KNDC1: variants seen among roughly 807,000 people sequenced by gnomAD.
KNDC1 encodes the protein kinase non-catalytic C-lobe domain-containing protein 1.
Under a neutral mutation model 172.8 loss-of-function variants are expected in KNDC1, and 106 were observed. The ratio of observed to expected loss-of-function variants is 0.61; its 90% CI spans 0.52 to 0.72. KNDC1 has a LOEUF of 0.72. KNDC1 is among the 30% of genes least tolerant of loss of function. KNDC1 has a pLI of 0.00. For synonymous variants in KNDC1, 1,083 were observed against 1,062.2 expected (o/e 1.02, Z -0.38); for missense variants, 2,325 against 2,394.5 (o/e 0.97, Z 0.61).
At chr10:133,175,156 G>A (rs1853494225) in intron 3 of KNDC1, among the ~76,000 whole-genome samples, 1 of 149,528 alleles carries the variant, frequency 6.7e-6, no homozygotes, top group Non-Finnish European at 1.5e-5. Flanking sequence ...TGGATGAAAA[G>A]GTAGATGGTG....
At position 133,168,031 on chromosome 10, in the gene KNDC1, G is replaced by C. The variant is rs1053792384; in HGVS notation, c.302-223G>C. Among the ~76,000 whole-genome samples, 4 of 152,330 alleles carry C rather than the reference G, an allele frequency of 2.6e-5. No individual in the cohort carries two copies. In the South Asian group the frequency reaches 6.2e-4, roughly 24 times the overall value. On this transcript the variant is annotated intron_variant, in intron 2 of 29. Transcript: ENST00000304613. ...GGTGAATGTCTTCAGCTTCCTTCTTGGGAAAGTGGTAGAACCCTTCCCTCT... is the reference window on the plus strand; with the variant it reads ...GGTGAATGTCTTCAGCTTCCTTCTTCGGAAAGTGGTAGAACCCTTCCCTCT...
chr10:133,208,661 C>A (rs1482690342), intron 20 of KNDC1, among the ~76,000 whole-genome samples: 1 of 152,236 alleles, frequency 6.6e-6, no homozygotes, highest in Non-Finnish European at 1.5e-5. Context: ...TCCAGGCTGA[C>A]CCTCGGACCT....
At chr10:133,183,001 C>T (rs928041393) in intron 3 of KNDC1, among the ~76,000 whole-genome samples, 8 of 143,220 alleles carry the variant, frequency 5.6e-5, no homozygotes, top group East Asian at 2.1e-4. Flanking sequence ...TGGGCACAGG[C>T]GGCAAGGGCA....
chr10:133,210,275 G>A (rs1388114439), intron 20 of KNDC1, among the ~76,000 whole-genome samples: 5 of 149,974 alleles, frequency 3.3e-5, no homozygotes, highest in Admixed American at 6.7e-5. Context: ...CCAGCTATTC[G>A]GGAGGCTGAG....
intron 1 of KNDC1, among the ~76,000 whole-genome samples, chr10:133,165,336 G>A (rs1853114866): frequency 6.6e-6 from 1 of 152,230 alleles, no homozygotes; most frequent in Non-Finnish European, 1.5e-5. Context: ...TGAGCAGGAG[G>A]GCGTGCTGTG....
At chr10:133,175,585 A>ATGGATG (rs1564877318) in intron 3 of KNDC1, among the ~76,000 whole-genome samples, 25 of 146,414 alleles carry the variant, frequency 1.7e-4, no homozygotes, top group East Asian at 6.5e-4. Context: ...ATGGATGGGT[A>ATGGATG]GATGGATGGA....
Position 133,199,071 on chromosome 10 carries a change from C to T in KNDC1, c.2563C>T (p.Arg855Cys), listed in dbSNP as rs770290971. Residue 855 changes from arginine (R) to cysteine (C), a missense_variant, in exon 14 of 30, where the codon CGT becomes TGT. Arg to Cys is a radical substitution (Grantham distance 180). Transcript: ENST00000304613. ...CCCCGGGGCCACCCCTGCCGGGGAACGTGATGACCAGAGTCCAGACAGTGT... is the reference window on the plus strand; with the variant it reads ...CCCCGGGGCCACCCCTGCCGGGGAATGTGATGACCAGAGTCCAGACAGTGT... ...EGPGATPAGE[R>C]DDQSPDSVPE... is the part of the protein sequence containing the mutation. The T allele has an allele frequency of 8.7e-6, 14 of 1,605,840 alleles. No homozygotes were observed. Among genetic ancestry groups the T allele is most frequent in the African/African-American group, 8.0e-5 (6 of 74,928 alleles).
At chr10:133,196,832 G>A (rs1201040295) in intron 10 of KNDC1, among the ~76,000 whole-genome samples, 1 of 152,314 alleles carries the variant, frequency 6.6e-6, no homozygotes, top group East Asian at 1.9e-4. Flanking sequence ...CTGGGTTTGG[G>A]ATTCTGCCCT....
intron 3 of KNDC1, among the ~76,000 whole-genome samples, chr10:133,180,003 C>T (rs1327487121): frequency 6.6e-6 from 1 of 152,224 alleles, no homozygotes; most frequent in Non-Finnish European, 1.5e-5. Context: ...AGACGCCTGC[C>T]CGTGGTCCAG....
intron 29 of KNDC1, 81 bp downstream of exon 29, chr10:133,220,193 GCGGCCGCGCGCCCAGGAGAGGAGGGGCT>G: frequency 9.4e-7 from 1 of 1,065,562 alleles, no homozygotes; most frequent in African/African-American, 1.8e-5. Context: ...AGGGGCTCAG[GCGGCCGCGCGCCCAGGAGAGGAGGGGCT>G]CAGGCGGCCG....
At chr10:133,212,533 C>T (rs1845390197) in intron 23 of KNDC1, among the ~76,000 whole-genome samples, 183 bp from the exon 24 acceptor site, 1 of 152,252 alleles carries the variant, frequency 6.6e-6, no homozygotes, top group Non-Finnish European at 1.5e-5. Flanking sequence ...ACGACCAGGA[C>T]AGGCATCCTT....
intron 2 of KNDC1, 108 bp from the exon 3 acceptor site, chr10:133,168,146 C>T (rs567719625): frequency 3.0e-5 from 28 of 936,936 alleles, no homozygotes; most frequent in African/African-American, 4.8e-5. Context: ...ACCAGGTCTG[C>T]GGGGAGGGAA....
intron 3 of KNDC1, among the ~76,000 whole-genome samples, chr10:133,169,930 AT>A (rs1415099893): frequency 6.6e-6 from 1 of 152,078 alleles, no homozygotes; most frequent in Non-Finnish European, 1.5e-5. Flanking sequence ...GCATTCCTTC[AT>A]TTTTATCCCG....
At chr10:133,170,954 A>C (rs1372441640) in intron 3 of KNDC1, among the ~76,000 whole-genome samples, 1 of 152,234 alleles carries the variant, frequency 6.6e-6, no homozygotes, top group Non-Finnish European at 1.5e-5. Flanking sequence ...TAACCTCTTG[A>C]GCCACACTCA....
intron 11 of KNDC1, 129 bp downstream of exon 11, chr10:133,197,264 G>C (rs1854219838): frequency 1.4e-6 from 1 of 725,380 alleles, no homozygotes; most frequent in Non-Finnish European, 2.4e-6. Flanking sequence ...CCGAGCTGTG[G>C]GTGGGTGCAT....
rs1564882791 is a variant in KNDC1, at chr10:133,184,220, CAT to C, written c.625+232_625+233del. 8.0e-3 allele frequency among the ~76,000 whole-genome samples: 501 copies of C among 62,772 alleles called. 4 individuals are homozygous for C. In the Middle Eastern group the frequency reaches 0.11, roughly 13 times the overall value. The allele number at this position is 62,772 out of a possible 152,430, so 41.2% of individuals were successfully genotyped here. ...CATGCACACCCATGCTGCACACACCCATGCACACACACCCATGCGCACACACT... is the reference window on the plus strand; with the variant it reads ...CATGCACACCCATGCTGCACACACCCGCACACACACCCATGCGCACACACT... On this transcript the variant is annotated intron_variant, in intron 5 of 29. Coordinates refer to ENST00000304613, the MANE Select transcript of KNDC1 (RefSeq NM_152643.8).
In KNDC1 at chr10:133,212,829, C is replaced by T. The variant is rs766812979; in HGVS notation, c.4350C>T (p.Tyr1450=). Residue 1450 remains tyrosine (Y), a synonymous_variant, in exon 24 of 30, where the codon TAC becomes TAT. Coordinates refer to ENST00000304613, the MANE Select transcript of KNDC1 (RefSeq NM_152643.8). ...LPKPCFLEDF[Y]GPCAKTSEKG... ...AGCCCTGCTTCCTCGAGGACTTCTACGGCCCCTGCGCCAAGACCAGTGAGA... is the reference window on the plus strand; with the variant it reads ...AGCCCTGCTTCCTCGAGGACTTCTATGGCCCCTGCGCCAAGACCAGTGAGA... The T allele has an allele frequency of 1.4e-5, 22 of 1,613,856 alleles. No individual in the cohort carries two copies. The highest frequency in any genetic ancestry group is 6.7e-5 in the Admixed American group (4 of 60,006).
rs1564903177 is a variant in KNDC1, at chr10:133,221,845, GCA to G, written c.5018+1734_5018+1735del. Among the ~76,000 whole-genome samples, 176 of 114,120 alleles carry G rather than the reference GCA, an allele frequency of 1.5e-3. 1 individual carries two copies. Among genetic ancestry groups the G allele is most frequent in the South Asian group, 6.8e-3 (19 of 2,790 alleles). 74.9% of individuals were successfully genotyped at this position (114,120 alleles called of 152,430 possible). On this transcript the variant is annotated intron_variant, in intron 29 of 29. Coordinates refer to ENST00000304613, the MANE Select transcript of KNDC1 (RefSeq NM_152643.8). The stretch of plus-strand genomic sequence containing the variant: ...TAACCCTAGGTAGGCCGGGCTGGGT[GCA>G]GCCACTCACGCCTGTAACCCTAGGT...
At position 133,224,654 on chromosome 10, in the gene KNDC1, G is replaced by A. The variant is rs748571550; in HGVS notation, c.5019-5G>A. The A allele has an allele frequency of 8.1e-6, 13 of 1,612,702 alleles. No individual in the cohort carries two copies. Among genetic ancestry groups the A allele is most frequent in the South Asian group, 1.1e-5 (1 of 91,050 alleles). The stretch of plus-strand genomic sequence containing the variant: ...AACTAACGTCTCTTCTTTCCTCAAC[G>A]GAAGGAACATCGCAAAGGTGGTGAG... On this transcript the variant is annotated splice_region_variant and splice_polypyrimidine_tract_variant and intron_variant, in intron 29 of 29. Coordinates refer to ENST00000304613, the MANE Select transcript of KNDC1 (RefSeq NM_152643.8). The surrounding 1 kb of genome is among the most constrained non-coding windows in gnomAD (Gnocchi z 5.4).
Sources: allele counts gnomAD v4.1 joint callset (sites outside exome capture counted in the v4.1 genomes callset), GRCh38; gene constraint gnomAD v4.1.1; non-coding constraint Gnocchi (gnomAD v3.1); transcripts MANE v1.5; gene names NCBI Gene and HGNC (gene_info 2026-07-23, HGNC 2026-07-21).